The following CEP63 variants were observed in gnomAD, a reference collection of about 807,000 sequenced individuals.
CEP63 encodes centrosomal protein 63.
A neutral mutation model predicts 89.1 loss-of-function variants in CEP63; 84 were observed. That is an observed-to-expected ratio of 0.94 (90% CI 0.79 to 1.13). CEP63 has a LOEUF of 1.13. Ranked by LOEUF, CEP63 falls within the 50% of genes most tolerant of loss-of-function variation. CEP63 has a pLI of 0.00. For missense variants in CEP63, 838 were observed against 813.3 expected (o/e 1.03, Z -0.37); for synonymous variants, 267 against 272.5 (o/e 0.98, Z 0.20).
At chr3:134,517,919 A>G (rs1946592000) in intron 3 of CEP63, among the ~76,000 whole-genome samples, 1 of 152,188 alleles carries the variant, frequency 6.6e-6, no homozygotes, top group East Asian at 1.9e-4. Context: ...AAATTTGAAG[A>G]ATGTAAAAAG....
the CEP63 span, chr3:134,607,047 G>A: frequency 1.0e-6 from 1 of 984,750 alleles, no homozygotes; most frequent in Non-Finnish European, 1.2e-6. Flanking sequence ...ATAAATTAAG[G>A]AATCTGGTGT....
intron 3 of CEP63, among the ~76,000 whole-genome samples, chr3:134,527,246 G>T (rs1948842349): frequency 6.6e-6 from 1 of 152,226 alleles, no homozygotes; most frequent in Non-Finnish European, 1.5e-5. Flanking sequence ...GCTGGCGACT[G>T]TGCACAGTGG....
chr3:134,677,927 C>G, the CEP63 span, among the ~76,000 whole-genome samples: 4 of 152,042 alleles, frequency 2.6e-5, no homozygotes, highest in Admixed American at 1.3e-4. Context: ...CACTACCACC[C>G]TCTGTGCCAG....
downstream of CEP63, among the ~76,000 whole-genome samples, chr3:134,592,709 G>A (rs1298417544): frequency 6.6e-6 from 1 of 152,126 alleles, no homozygotes; most frequent in Non-Finnish European, 1.5e-5. Flanking sequence ...TAACATCAGG[G>A]TTTGAGGTGG....
chr3:134,652,529 G>A, the CEP63 span, among the ~76,000 whole-genome samples: 2 of 147,162 alleles, frequency 1.4e-5, no homozygotes, highest in Non-Finnish European at 3.0e-5. Context: ...ATGTTGAACT[G>A]GAGTCCCTAG....
the CEP63 span, among the ~76,000 whole-genome samples, chr3:134,659,052 C>A: frequency 6.6e-6 from 1 of 152,178 alleles, no homozygotes; most frequent in Non-Finnish European, 1.5e-5. Context: ...GTGTGGGAAG[C>A]ACTGCTTTCC....
At chr3:134,493,060 A>T (rs939624061) in intron 1 of CEP63, among the ~76,000 whole-genome samples, 1 of 152,196 alleles carries the variant, frequency 6.6e-6, no homozygotes, top group African/African-American at 2.4e-5. Flanking sequence ...AAATATATTA[A>T]TGTTTAAGAA....
chr3:134,507,422 T>C (rs959395134), intron 3 of CEP63, 136 bp downstream of exon 3: 32 of 655,688 alleles, frequency 4.9e-5, no homozygotes, highest in Non-Finnish European at 8.0e-5. Flanking sequence ...TTCTGCTGTT[T>C]TATTTTAGAA....
chr3:134,603,880 T>C, the CEP63 span: 2 of 1,613,944 alleles, frequency 1.2e-6, no homozygotes, highest in Admixed American at 1.7e-5. Context: ...CCAGTTCACC[T>C]TGGTGTTGGC....
intron 3 of CEP63, among the ~76,000 whole-genome samples, chr3:134,519,071 G>T (rs986402668): frequency 4.0e-5 from 6 of 151,758 alleles, no homozygotes; most frequent in Non-Finnish European, 8.8e-5. Context: ...AAATCCCTAG[G>T]AAAGCACAGC....
intron 12 of CEP63, among the ~76,000 whole-genome samples, chr3:134,557,656 G>A (rs1252926384): frequency 6.6e-6 from 1 of 152,026 alleles, no homozygotes; most frequent in South Asian, 2.1e-4. Context: ...AGATACCAAA[G>A]TTGTAGAAAA....
At chr3:134,538,540 T>TATATATAC (rs1951302749) in intron 6 of CEP63, among the ~76,000 whole-genome samples, 2 of 138,748 alleles carry the variant, frequency 1.4e-5, no homozygotes, top group Non-Finnish European at 3.1e-5. Context: ...TGTGTATATA[T>TATATATAC]ATATATATAT....
chr3:134,536,108 A>T (rs992718719), intron 5 of CEP63: 1 of 152,140 alleles, frequency 6.6e-6, no homozygotes, highest in African/African-American at 2.4e-5. Flanking sequence ...GTTTACTTAA[A>T]TGTTTTTCAC....
At chr3:134,650,312 G>A in the CEP63 span, among the ~76,000 whole-genome samples, 6 of 152,190 alleles carry the variant, frequency 3.9e-5, no homozygotes, top group Admixed American at 6.5e-5. Context: ...TCCATCTATA[G>A]GAGGCTGGGA....
the CEP63 span, among the ~76,000 whole-genome samples, chr3:134,689,537 T>G: frequency 6.6e-6 from 1 of 152,060 alleles, no homozygotes. Context: ...CTGCAACCTC[T>G]GCCTCCTGAG....
the CEP63 span, among the ~76,000 whole-genome samples, chr3:134,767,763 A>G: frequency 6.6e-6 from 1 of 152,172 alleles, no homozygotes; most frequent in Admixed American, 6.5e-5. Context: ...GAAAGCAAAC[A>G]TTTTTGAGTA....
chr3:134,742,436 G>A, the CEP63 span, among the ~76,000 whole-genome samples: 3 of 152,170 alleles, frequency 2.0e-5, no homozygotes, highest in Non-Finnish European at 4.4e-5. Flanking sequence ...GGCCGGGATT[G>A]TGTGTCTCCT....
At chr3:134,495,250 C>A in intron 1 of CEP63, 46 bp from the exon 2 acceptor site, 1 of 1,306,164 alleles carries the variant, frequency 7.7e-7, no homozygotes, top group Non-Finnish European at 1.1e-6. Flanking sequence ...AATGTTAGAA[C>A]TGAAGAAATG....
In CEP63 at chr3:134,545,766, C is replaced by T; in HGVS notation, c.736C>T (p.Gln246Ter). 1 of 1,613,776 alleles carries T rather than the reference C, an allele frequency of 6.2e-7. No homozygotes were observed. Among genetic ancestry groups the T allele is most frequent in the Non-Finnish European group, 8.5e-7 (1 of 1,179,932 alleles). The change falls in exon 7 of 15, where the codon CAG becomes TAG. Residue 246 changes from glutamine to a stop codon, truncating the protein, a stop_gained. Coordinates refer to ENST00000675561, the MANE Select transcript of CEP63 (RefSeq NM_001353108.3). LOFTEE classifies it high-confidence loss of function. ...GGTTGGAACCAGTATGACTGTCCTA[C>T]AGGAGCAGCAGCAAAAAGAAGAAAA... ...DLVGTSMTVLQEQQQKEEKLR... is the reference protein window; with the variant it reads ...DLVGTSMTVL
Sources: allele counts gnomAD v4.1 joint callset (sites outside exome capture counted in the v4.1 genomes callset), GRCh38; gene constraint gnomAD v4.1.1; transcripts MANE v1.5; gene names NCBI Gene and HGNC (gene_info 2026-07-23, HGNC 2026-07-21).